MATN1: variants seen among roughly 807,000 people sequenced by gnomAD.
MATN1 encodes matrilin-1.
MATN1 carries 34 observed loss-of-function variants against 41.3 expected under a neutral mutation model. The ratio of observed to expected loss-of-function variants is 0.82; its 90% CI spans 0.63 to 1.10. MATN1 has a LOEUF of 1.10. Ranked by LOEUF, MATN1 falls within the 50% of genes least tolerant of loss-of-function variation. The pLI, the probability that MATN1 is intolerant of heterozygous loss-of-function variation, is 0.00. For missense variants in MATN1, 602 were observed against 662.4 expected (o/e 0.91, Z 1.00); for synonymous variants, 264 against 278.7 (o/e 0.95, Z 0.53).
At chr1:30,719,098 C>A in intron 2 of MATN1, 141 bp from the exon 3 acceptor site, 1 of 601,394 alleles carries the variant, frequency 1.7e-6, no homozygotes, top group Non-Finnish European at 2.7e-6. Context: ...ACCCGGCTGG[C>A]CGAAGAGGAG....
In MATN1 at chr1:30,712,742, C is replaced by G. The variant is rs1402691685; in HGVS notation, c.*840G>C. ...CCATTGCCCTGTAAGTACATGATAC[C>G]TGAACGAATGAGTGAACGAATGAAT... On this transcript the variant is annotated 3_prime_UTR_variant, in exon 8 of 8. Coordinates refer to ENST00000373765, the MANE Select transcript of MATN1 (RefSeq NM_002379.3). The G allele has an allele frequency of 6.6e-6, 1 of 152,186 alleles. No individual in the cohort carries two copies. Among genetic ancestry groups the G allele is most frequent in the Non-Finnish European group, 1.5e-5 (1 of 68,066 alleles). The allele number at this position is 152,186 out of a possible 1,614,324, so 9.4% of individuals were successfully genotyped here.
At chr1:30,715,369 G>A in intron 5 of MATN1, 60 bp from the exon 6 acceptor site, 1 of 1,578,494 alleles carries the variant, frequency 6.3e-7, no homozygotes, top group Non-Finnish European at 8.7e-7. Flanking sequence ...ATATGGCTGA[G>A]CCTCCTGGGG....
chr1:30,713,377 G>GCACACA lies in MATN1; in HGVS notation c.*199_*204dup, dbSNP rs10531531. ...CTCATGCCCACCCTCAGGCGCACGT[G>GCACACA]CACACACACACACACACACACACAT... On this transcript the variant is annotated 3_prime_UTR_variant, in exon 8 of 8. Coordinates refer to ENST00000373765, the MANE Select transcript of MATN1 (RefSeq NM_002379.3). 2 of 551,286 alleles carry GCACACA rather than the reference G, an allele frequency of 3.6e-6. No homozygotes were observed. Among genetic ancestry groups the GCACACA allele is most frequent in the Non-Finnish European group, 6.6e-6 (2 of 302,456 alleles). The allele number at this position is 551,286 out of a possible 1,614,324, so 34.1% of individuals were successfully genotyped here.
intron 3 of MATN1, among the ~76,000 whole-genome samples, chr1:30,717,966 T>C (rs1323406351): frequency 1.3e-5 from 2 of 152,162 alleles, no homozygotes; most frequent in Admixed American, 6.5e-5. Flanking sequence ...AAAGGACTCT[T>C]AACATCGCCT....
intron 2 of MATN1, chr1:30,721,096 A>G (rs1569836390): frequency 6.0e-6 from 2 of 330,950 alleles, no homozygotes; most frequent in East Asian, 6.4e-5. Flanking sequence ...CACTCCTCCC[A>G]TAAGCATCTG....
intron 1 of MATN1, among the ~76,000 whole-genome samples, chr1:30,722,587 A>G (rs941025719): frequency 6.6e-6 from 1 of 152,234 alleles, no homozygotes; most frequent in Admixed American, 6.5e-5. Flanking sequence ...GTGATCTCAC[A>G]TGTCCAGTGG....
chr1:30,721,153 G>T, intron 2 of MATN1: 1 of 517,828 alleles, frequency 1.9e-6, no homozygotes. Context: ...CGGGAACCAA[G>T]GTCAACTAAA....
rs1639576332 is a variant in MATN1 at position 30,713,271 on chromosome 1, C to T, written c.*311G>A. 2 of 400,690 alleles carry T rather than the reference C, an allele frequency of 5.0e-6. No individual in the cohort carries two copies. Among genetic ancestry groups the T allele is most frequent in the East Asian group, 3.9e-5 (1 of 25,458 alleles). 24.8% of individuals were successfully genotyped at this position (400,690 alleles called of 1,614,324 possible). On this transcript the variant is annotated 3_prime_UTR_variant, in exon 8 of 8. Transcript: ENST00000373765. The stretch of plus-strand genomic sequence containing the variant: ...CTAAAAAAGATGGGAATATATTAAG[C>T]TTTTGATTATAAAAATGCAAACGCA...
Position 30,713,531 on chromosome 1 carries a change from C to T in MATN1, c.*51G>A, listed in dbSNP as rs778052464. ...TTCCCTCACTAAAATGGTAAAGCTACGGCGGACACGTGCAGGACGCTTGGA... is the reference window on the plus strand; with the variant it reads ...TTCCCTCACTAAAATGGTAAAGCTATGGCGGACACGTGCAGGACGCTTGGA... On this transcript the variant is annotated 3_prime_UTR_variant, in exon 8 of 8. Transcript: ENST00000373765. The T allele has an allele frequency of 3.0e-5, 46 of 1,542,090 alleles. No individual in the cohort carries two copies. The highest frequency in any genetic ancestry group is 3.7e-5 in the Non-Finnish European group (42 of 1,138,260).
chr1:30,715,836 A>C, intron 5 of MATN1, 73 bp downstream of exon 5: 1 of 1,473,474 alleles, frequency 6.8e-7, no homozygotes, highest in Non-Finnish European at 9.2e-7. Flanking sequence ...ACCAAGATAA[A>C]CTACAGTTGG....
intron 2 of MATN1, chr1:30,719,700 GCAC>G (rs1639673907): frequency 6.5e-6 from 1 of 153,188 alleles, no homozygotes; most frequent in South Asian, 2.1e-4. Flanking sequence ...CCCCCTGTCT[GCAC>G]CCGCCCTGAG....
Position 30,716,291 on chromosome 1 carries a change from G to C in MATN1, c.825C>G (p.Asp275Glu). 1 of 1,614,050 alleles carries C rather than the reference G, an allele frequency of 6.2e-7. No homozygotes were observed. The highest frequency in any genetic ancestry group is 1.7e-5 in the Admixed American group (1 of 60,018). ...CSGGGGSSAT[D>E]LVFLIDGSKS... ...TGGATCCGTCAATGAGGAAGACCAG[G>C]TCAGTGGCCGAGCTGCCACCACCAC... The change falls in exon 5 of 8, where the codon GAC becomes GAG. Residue 275 changes from aspartate to glutamate, a missense_variant. Transcript: ENST00000373765.
At position 30,712,208 on chromosome 1, in the gene MATN1, C is replaced by G. The variant is rs1278872278; in HGVS notation, c.*1374G>C. The G allele has an allele frequency of 4.6e-5, 7 of 152,188 alleles. No individual in the cohort carries two copies. Among genetic ancestry groups the G allele is most frequent in the African/African-American group, 1.7e-4 (7 of 41,422 alleles). 9.4% of individuals were successfully genotyped at this position (152,188 alleles called of 1,614,324 possible). ...GAATAGGTTCAGAAAATCACCAAAG[C>G]TCCCCCTCTGAGAGGACAGAGATGG... is the stretch of plus-strand genomic sequence containing the variant. On this transcript the variant is annotated 3_prime_UTR_variant, in exon 8 of 8. Transcript: ENST00000373765.
chr1:30,711,403 G>A lies in MATN1; in HGVS notation c.*2179C>T, dbSNP rs1639542079. 6.6e-6 allele frequency: 1 copy of A among 152,202 alleles called. No homozygotes were observed. The highest frequency in any genetic ancestry group is 6.5e-5 in the Admixed American group (1 of 15,284). 9.4% of individuals were successfully genotyped at this position (152,202 alleles called of 1,614,324 possible). ...TGCTGGTTTTCATTTACAACCTTCT[G>A]TTAATCAAACCTAGAGCAGAGAGGG... On this transcript the variant is annotated 3_prime_UTR_variant, in exon 8 of 8. Transcript: ENST00000373765.
intron 4 of MATN1, among the ~76,000 whole-genome samples, chr1:30,716,554 G>T (rs1490412833): frequency 1.3e-5 from 2 of 152,266 alleles, no homozygotes; most frequent in East Asian, 1.9e-4. Context: ...ACCAGGATTT[G>T]ATTTTGAGAC....
rs1423983667 is a variant in MATN1, at chr1:30,718,245, C to G, written c.664+490G>C. On this transcript the variant is annotated intron_variant, in intron 3 of 7. Coordinates refer to ENST00000373765, the MANE Select transcript of MATN1 (RefSeq NM_002379.3). ...CTGACTTTTTCTGTCTTCACTTTAG[C>G]GCTGGCTCCGCCCCTAGCCTTGGCC... Among the ~76,000 whole-genome samples, 4 of 151,766 alleles carry G rather than the reference C, an allele frequency of 2.6e-5. No individual in the cohort carries two copies. The East Asian group carries it at 7.8e-4, about 30-fold the overall frequency.
chr1:30,720,924 C>T (rs1639687223), intron 2 of MATN1: 1 of 155,870 alleles, frequency 6.4e-6, no homozygotes, highest in Non-Finnish European at 1.4e-5. Flanking sequence ...TGCTTTTGAA[C>T]TCAGTCCTCA....
intron 1 of MATN1, 30 bp downstream of exon 1, chr1:30,723,428 G>A (rs775320646): frequency 6.8e-7 from 1 of 1,469,576 alleles, no homozygotes; most frequent in Non-Finnish European, 9.0e-7. Flanking sequence ...CACTAGCTCA[G>A]TAGCCCCCAT....
In MATN1 at chr1:30,715,172, T is replaced by G. The variant is rs56851503; in HGVS notation, c.1345A>C (p.Lys449Gln). The G allele has an allele frequency of 1.8e-3, 2,831 of 1,614,190 alleles. 27 individuals are homozygous for G. In the African/African-American group the frequency reaches 0.025, roughly 14 times the overall value. Residue 449 changes from lysine to glutamine, a missense_variant, in exon 6 of 8, where the codon AAG (lysine) becomes CAG (glutamine). Transcript: ENST00000373765. ...CCTCACTCACCCACACAGATCTTCT[T>G]CTGCAACTTCTTGCCTATCTGGTTG... is the stretch of plus-strand genomic sequence containing the variant. ...TINQIGKKLQ[K>Q]KICVEEDPCA...
Sources: allele counts gnomAD v4.1 joint callset (sites outside exome capture counted in the v4.1 genomes callset), GRCh38; gene constraint gnomAD v4.1.1; transcripts MANE v1.5; gene names NCBI Gene and HGNC (gene_info 2026-07-23, HGNC 2026-07-21).